Variants in PARD3B observed in about 807,000 individuals in gnomAD.
PARD3B encodes the protein par-3 family cell polarity regulator beta.
In PARD3B, 103 loss-of-function variants were observed where a neutral mutation model predicts 130.2. That is an observed-to-expected ratio of 0.79 (90% CI 0.67 to 0.93). The LOEUF is 0.93. Among genes scored for constraint, PARD3B ranks in the 40% least tolerant of loss-of-function variants. The pLI is 0.00. For missense variants in PARD3B, 1,609 were observed against 1,499.2 expected, an observed-to-expected ratio of 1.07 and a Z score of -1.21; for synonymous variants, 583 against 553.2, an observed-to-expected ratio of 1.05 and a Z score of -0.76.
intron 2 of PARD3B, among the ~76,000 whole-genome samples, chr2:204,751,314 AAAAC>A (rs1276313245): frequency 4.6e-5 from 7 of 152,192 alleles, no homozygotes; most frequent in African/African-American, 1.7e-4. Context: ...CCTTTAAAGA[AAAAC>A]AAAAACAAAA....
At chr2:204,616,956 A>T (rs2034134684) in intron 1 of PARD3B, among the ~76,000 whole-genome samples, 1 of 152,178 alleles carries the variant, frequency 6.6e-6, no homozygotes, top group African/African-American at 2.4e-5. Context: ...AAACTTCATT[A>T]TCTCTGTCCA....
Position 205,552,514 on chromosome 2 carries a change from T to C in PARD3B, c.3181-810T>C, listed in dbSNP as rs181921461. Among the ~76,000 whole-genome samples the C allele has an allele frequency of 6.3e-3, 953 of 152,226 alleles. 32 individuals are homozygous for C. The highest frequency in any genetic ancestry group is 0.06 in the Admixed American group (910 of 15,292). On this transcript the variant is annotated intron_variant, in intron 21 of 22. Transcript: ENST00000406610. ...ACCTCTGCCTCCCGGGTTCAAGTGATTCTCCTGCCTCAGCCTCCTGAGTAA... is the reference window on the plus strand; with the variant it reads ...ACCTCTGCCTCCCGGGTTCAAGTGACTCTCCTGCCTCAGCCTCCTGAGTAA...
chr2:204,590,128 TG>T (rs1447577861), intron 1 of PARD3B, among the ~76,000 whole-genome samples: 1 of 152,002 alleles, frequency 6.6e-6, no homozygotes, highest in East Asian at 1.9e-4. Flanking sequence ...AAGATCAAGG[TG>T]GGGGCAGACC....
At chr2:205,031,724 A>C (rs1034348712) in intron 3 of PARD3B, among the ~76,000 whole-genome samples, 1 of 152,180 alleles carries the variant, frequency 6.6e-6, no homozygotes, top group East Asian at 1.9e-4. Flanking sequence ...AAATTGAGGC[A>C]AAATGGGCTT....
rs370469408 is a variant in PARD3B at position 205,307,164 on chromosome 2, C to T, written c.2630+5463C>T. Among the ~76,000 whole-genome samples the T allele has an allele frequency of 1.8e-3, 268 of 152,272 alleles. 5 individuals are homozygous for T. The Middle Eastern group carries it at 0.027, about 15-fold the overall frequency. On this transcript the variant is annotated intron_variant, in intron 18 of 22. Transcript: ENST00000406610. ...TGTTCTTGTTCTTGTTTGTGAAAAG[C>T]TAAGTGTTTGCACTTTTCTGATATT...
rs10211568 is a variant in PARD3B, at chr2:204,638,260, G to C, written c.121-47921G>C. On this transcript the variant is annotated intron_variant, in intron 1 of 22. Coordinates refer to ENST00000406610, the MANE Select transcript of PARD3B (RefSeq NM_001302769.2). The stretch of plus-strand genomic sequence containing the variant: ...GTATTAGCCACATATGAAAGTAGAA[G>C]TTTACAATTCCCCAGAAATTCATTA... Among the ~76,000 whole-genome samples, 264 of 152,264 alleles carry C rather than the reference G, an allele frequency of 1.7e-3. 2 individuals carry two copies. The highest frequency in any genetic ancestry group is 6.2e-3 in the African/African-American group (258 of 41,548).
intron 2 of PARD3B, among the ~76,000 whole-genome samples, chr2:204,852,117 C>T (rs2044731246): frequency 6.6e-6 from 1 of 152,054 alleles, no homozygotes; most frequent in African/African-American, 2.4e-5. Flanking sequence ...TAACAAATGA[C>T]TGCCCTTTAA....
chr2:204,573,672 C>CA (rs975955012), intron 1 of PARD3B, among the ~76,000 whole-genome samples: 4 of 152,084 alleles, frequency 2.6e-5, no homozygotes, highest in African/African-American at 9.7e-5. Flanking sequence ...ATTGGTATAC[C>CA]ATCAGAGTGT....
At chr2:204,962,552 A>T (rs1690838620) in intron 2 of PARD3B, among the ~76,000 whole-genome samples, 1 of 152,160 alleles carries the variant, frequency 6.6e-6, no homozygotes, top group Non-Finnish European at 1.5e-5. Flanking sequence ...CATTCTGTTG[A>T]GGGACTAGAA....
At chr2:205,275,933 G>A (rs906673496) in intron 16 of PARD3B, among the ~76,000 whole-genome samples, 1 of 148,766 alleles carries the variant, frequency 6.7e-6, no homozygotes, top group African/African-American at 2.5e-5. Flanking sequence ...ATCAACAGTT[G>A]TTCAAATGCT....
chr2:204,787,175 C>T (rs911680486), intron 2 of PARD3B, among the ~76,000 whole-genome samples: 3 of 132,010 alleles, frequency 2.3e-5, no homozygotes. Flanking sequence ...TGCCATTCCT[C>T]AGCCTTGGAG....
In PARD3B at chr2:205,485,197, A is replaced by G. The variant is rs574538291; in HGVS notation, c.3045-14699A>G. ...GTTTTGTTTTGTTTTGTTTCATTTTAACTTTTTGCTGTCTGATTTGGCAGC... is the reference window on the plus strand; with the variant it reads ...GTTTTGTTTTGTTTTGTTTCATTTTGACTTTTTGCTGTCTGATTTGGCAGC... On this transcript the variant is annotated intron_variant, in intron 20 of 22. Transcript: ENST00000406610. 1.3e-4 allele frequency among the ~76,000 whole-genome samples: 20 copies of G among 152,222 alleles called. No individual in the cohort carries two copies. In the South Asian group the frequency reaches 3.9e-3, roughly 30 times the overall value.
chr2:205,349,510 TC>T (rs1574772941), intron 18 of PARD3B, among the ~76,000 whole-genome samples: 2 of 152,222 alleles, frequency 1.3e-5, no homozygotes, highest in African/African-American at 2.4e-5. Flanking sequence ...GAAATCCACT[TC>T]CTAGCATGAT....
chr2:204,926,376 T>G (rs1283247210), intron 2 of PARD3B, among the ~76,000 whole-genome samples: 2 of 152,250 alleles, frequency 1.3e-5, no homozygotes, highest in East Asian at 3.9e-4. Flanking sequence ...AAATTCTCAT[T>G]ATATTTTCAA....
intron 2 of PARD3B, among the ~76,000 whole-genome samples, chr2:204,746,384 A>T (rs985872319): frequency 6.6e-6 from 1 of 151,838 alleles, no homozygotes; most frequent in Admixed American, 6.6e-5. Context: ...TCTATCACTG[A>T]TGGACATTTG....
intron 2 of PARD3B, among the ~76,000 whole-genome samples, chr2:204,863,886 G>C (rs1048837264): frequency 6.6e-5 from 10 of 152,246 alleles, no homozygotes; most frequent in African/African-American, 2.4e-4. Flanking sequence ...ACAAGAGCAA[G>C]GTACAGTTGA....
intron 20 of PARD3B, among the ~76,000 whole-genome samples, chr2:205,496,513 C>G (rs1306675457): frequency 6.6e-6 from 1 of 152,108 alleles, no homozygotes; most frequent in Non-Finnish European, 1.5e-5. Context: ...ATGTTTTGCA[C>G]TTAGATGGTC....
intron 18 of PARD3B, among the ~76,000 whole-genome samples, chr2:205,320,458 T>C (rs1419742736): frequency 6.6e-6 from 1 of 152,198 alleles, no homozygotes; most frequent in Non-Finnish European, 1.5e-5. Flanking sequence ...CTGTCTATCA[T>C]GTTTTATTCC....
intron 1 of PARD3B, among the ~76,000 whole-genome samples, chr2:204,588,836 C>T (rs1457658065): frequency 6.6e-6 from 1 of 152,148 alleles, no homozygotes. Flanking sequence ...GCAGAAGTCT[C>T]TAGGCTTAGT....
Sources: allele counts gnomAD v4.1 joint callset (sites outside exome capture counted in the v4.1 genomes callset), GRCh38; gene constraint gnomAD v4.1.1; transcripts MANE v1.5; gene names NCBI Gene and HGNC (gene_info 2026-07-23, HGNC 2026-07-21).